BAZ1A: variants seen among roughly 807,000 people sequenced by gnomAD.
BAZ1A encodes the protein bromodomain adjacent to zinc finger domain protein 1A.
In BAZ1A, 50 loss-of-function variants were observed where a neutral mutation model predicts 185.2. The ratio of observed to expected loss-of-function variants is 0.27; its 90% CI spans 0.22 to 0.34. The LOEUF is 0.34. BAZ1A is among the 10% of genes least tolerant of loss of function. BAZ1A has a pLI of 1.00. For missense variants in BAZ1A, 1,356 were observed against 1,839.9 expected (o/e 0.74, Z 4.81); for synonymous variants, 571 against 615.6 (o/e 0.93, Z 1.07).
intron 3 of BAZ1A, among the ~76,000 whole-genome samples, chr14:34,846,415 C>A (rs369324402): frequency 1.3e-5 from 2 of 152,200 alleles, no homozygotes; most frequent in African/African-American, 4.8e-5. Flanking sequence ...AGGCATTAGA[C>A]AGATGCTCCT....
At chr14:34,872,305 T>C (rs1007885347) in intron 2 of BAZ1A, among the ~76,000 whole-genome samples, 1 of 152,154 alleles carries the variant, frequency 6.6e-6, no homozygotes, top group Admixed American at 6.5e-5. Flanking sequence ...TTAATATTAA[T>C]GGAAGATAAG....
chr14:34,874,859 C>T lies in BAZ1A; in HGVS notation c.-58-197G>A, dbSNP rs548464395. On this transcript the variant is annotated intron_variant, in intron 1 of 26. Transcript: ENST00000360310. This position sits in a 1 kb window ranked among gnomAD's most constrained non-coding sequence, Gnocchi z 4.7. ...GCCGCCGCCGCCCCTGCCCCCCGAG[C>T]GCGCCCTACCTCCTCTCGTCCTGCC... 9 of 391,862 alleles carry T rather than the reference C, an allele frequency of 2.3e-5. No individual in the cohort carries two copies. Among genetic ancestry groups the T allele is most frequent in the African/African-American group, 1.3e-4 (6 of 46,358 alleles). 24.3% of individuals were successfully genotyped at this position (391,862 alleles called of 1,614,324 possible). A position where few individuals can be genotyped will look rare whatever the true frequency, so the allele number is the denominator to read the frequency against.
chr14:34,867,456 CAG>C (rs1461101986), intron 2 of BAZ1A, among the ~76,000 whole-genome samples: 9 of 152,046 alleles, frequency 5.9e-5, no homozygotes, highest in Admixed American at 1.3e-4. Context: ...CATGCCATGG[CAG>C]GGGGACAGCT....
chr14:34,866,502 A>AAAAAAGAAAAAAAGAAAG, intron 2 of BAZ1A, among the ~76,000 whole-genome samples: 6 of 79,538 alleles, frequency 7.5e-5, no homozygotes, highest in African/African-American at 2.3e-4. Context: ...AAAAAAAAAA[A>AAAAAAGAAAAAAAGAAAG]GAAAAAAGTT....
intron 24 of BAZ1A, 127 bp from the exon 25 acceptor site, chr14:34,758,973 T>C (rs909153845): frequency 4.5e-6 from 4 of 884,728 alleles, no homozygotes; most frequent in Non-Finnish European, 6.6e-6. Flanking sequence ...AGATGTTAAC[T>C]ATTTTCTGGG....
chr14:34,753,589 A>C lies in BAZ1A; in HGVS notation c.4590T>G (p.Ala1530=). 6.2e-7 allele frequency: 1 copy of C among 1,614,118 alleles called. No individual in the cohort carries two copies. Among genetic ancestry groups the C allele is most frequent in the Non-Finnish European group, 8.5e-7 (1 of 1,180,016 alleles). ...GTGTGACGTGGAGTCCAAGCTTTTG[A>C]GCCTGAATATGAAAAAATGCTTGAA... is the stretch of plus-strand genomic sequence containing the variant. ...TRLQAFFHIQ[A]QKLGLHVTPS... Residue 1530 remains alanine (A), a synonymous_variant, in exon 27 of 27, where the codon GCT becomes GCG. Coordinates refer to ENST00000360310, the MANE Select transcript of BAZ1A (RefSeq NM_013448.3).
intron 11 of BAZ1A, among the ~76,000 whole-genome samples, chr14:34,793,456 T>C (rs921966749): frequency 9.9e-5 from 15 of 152,204 alleles, no homozygotes; most frequent in Admixed American, 9.8e-4. Context: ...ATCCACCTCA[T>C]AAGGAGAAAT....
rs779373792 is a variant in BAZ1A, at chr14:34,765,010, G to GA, written c.3549+10dup. ...TGTCTCATTTCTAATCTGATAAGAA[G>GA]AAAAAAATACCTTGAGCTTTGGTCG... is the stretch of plus-strand genomic sequence containing the variant. On this transcript the variant is annotated intron_variant, in intron 22 of 26. Coordinates refer to ENST00000360310, the MANE Select transcript of BAZ1A (RefSeq NM_013448.3). 5 of 1,613,112 alleles carry GA rather than the reference G, an allele frequency of 3.1e-6. No homozygotes were observed. In the South Asian group the frequency reaches 4.4e-5, roughly 14 times the overall value.
intron 3 of BAZ1A, among the ~76,000 whole-genome samples, chr14:34,860,536 G>GAAAAAAAAAAAAAAAAAAAAAAAA (rs2042752195): frequency 1.1e-5 from 1 of 93,166 alleles, no homozygotes; most frequent in Non-Finnish European, 2.3e-5. Context: ...AAAAAAAAAA[G>GAAAAAAAAAAAAAAAAAAAAAAAA]CAAAAAAAAA....
At chr14:34,806,168 C>T (rs1483689741) in intron 6 of BAZ1A, among the ~76,000 whole-genome samples, 2 of 152,084 alleles carry the variant, frequency 1.3e-5, no homozygotes, top group South Asian at 4.1e-4. Flanking sequence ...TAACTTTTCG[C>T]ATAAACTCAT....
At chr14:34,814,165 A>G (rs1290403432) in intron 4 of BAZ1A, among the ~76,000 whole-genome samples, 1 of 151,984 alleles carries the variant, frequency 6.6e-6, no homozygotes, top group African/African-American at 2.4e-5. Context: ...ATAGGTCTCA[A>G]CTTAGCAACT....
intron 3 of BAZ1A, among the ~76,000 whole-genome samples, chr14:34,839,517 C>T (rs116379624): frequency 8.9e-4 from 121 of 135,678 alleles, no homozygotes; most frequent in African/African-American, 3.0e-3. Context: ...CCAGCCTGGG[C>T]GACTAAGCCA....
intron 20 of BAZ1A, among the ~76,000 whole-genome samples, chr14:34,773,111 T>C (rs1201464690): frequency 6.6e-6 from 1 of 152,180 alleles, no homozygotes; most frequent in Non-Finnish European, 1.5e-5. Flanking sequence ...GGTCTCACTA[T>C]GTTGCCCAGG....
intron 3 of BAZ1A, among the ~76,000 whole-genome samples, chr14:34,856,580 G>A (rs1189502266): frequency 2.6e-5 from 4 of 152,018 alleles, no homozygotes; most frequent in South Asian, 2.1e-4. Context: ...TTATGAGGCC[G>A]GGTGCGGTGG....
chr14:34,788,029 T>C (rs1013981754), intron 12 of BAZ1A, among the ~76,000 whole-genome samples: 2 of 152,110 alleles, frequency 1.3e-5, no homozygotes, highest in East Asian at 1.9e-4. Context: ...TTTTGTTTTT[T>C]TTTTTTGAAG....
intron 3 of BAZ1A, among the ~76,000 whole-genome samples, chr14:34,843,342 C>T (rs963438073): frequency 6.6e-6 from 1 of 152,176 alleles, no homozygotes; most frequent in African/African-American, 2.4e-5. Context: ...ACATACAGCA[C>T]GCTGAGGCTT....
At chr14:34,823,728 C>T (rs1475652432) in intron 4 of BAZ1A, among the ~76,000 whole-genome samples, 1 of 152,124 alleles carries the variant, frequency 6.6e-6, no homozygotes, top group Non-Finnish European at 1.5e-5. Flanking sequence ...AAATACCTTT[C>T]ATATACAAAA....
intron 2 of BAZ1A, among the ~76,000 whole-genome samples, chr14:34,873,859 C>G (rs1392331813): frequency 6.6e-6 from 1 of 152,164 alleles, no homozygotes. Context: ...GACGGGAGGC[C>G]GCGGACGGAG....
chr14:34,790,905 C>G (rs562351474), intron 12 of BAZ1A, among the ~76,000 whole-genome samples: 1 of 152,086 alleles, frequency 6.6e-6, no homozygotes, highest in South Asian at 2.1e-4. Context: ...CGGGCAGACC[C>G]TGAGGTCGGG....
Sources: allele counts gnomAD v4.1 joint callset (sites outside exome capture counted in the v4.1 genomes callset), GRCh38; gene constraint gnomAD v4.1.1; non-coding constraint Gnocchi (gnomAD v3.1); transcripts MANE v1.5; gene names NCBI Gene and HGNC (gene_info 2026-07-23, HGNC 2026-07-21).